The following PLEKHM3 variants were observed in gnomAD, a reference collection of about 807,000 sequenced individuals.
PLEKHM3 encodes the protein pleckstrin homology domain-containing family M member 3.
PLEKHM3 carries 45 observed loss-of-function variants against 81.8 expected under a neutral mutation model. That is an observed-to-expected ratio of 0.55 (90% CI 0.43 to 0.71). The LOEUF (loss-of-function observed/expected upper bound fraction) is 0.71. Ranked by LOEUF, PLEKHM3 falls within the 30% of genes least tolerant of loss-of-function variation. The pLI, the probability that PLEKHM3 is intolerant of heterozygous loss-of-function variation, is 0.00. For synonymous variants in PLEKHM3, 352 were observed against 356.4 expected, an observed-to-expected ratio of 0.99 and a Z score of 0.14; for missense variants, 788 against 924.3, an observed-to-expected ratio of 0.85 and a Z score of 1.91.
rs1019578834 is a variant in PLEKHM3 at position 207,825,945 on chromosome 2, G to A, written c.*2374C>T. ...GTGAAAACAAAGATGTTTTGAACGG[G>A]GATCCAGAATTTCGCCCTTGACTCT... On this transcript the variant is annotated 3_prime_UTR_variant, in exon 8 of 8. Coordinates refer to ENST00000427836, the MANE Select transcript of PLEKHM3 (RefSeq NM_001080475.3). 7 of 152,158 alleles carry A rather than the reference G, an allele frequency of 4.6e-5. No homozygotes were observed. The highest frequency in any genetic ancestry group is 1.0e-4 in the Non-Finnish European group (7 of 68,034). 9.4% of individuals were successfully genotyped at this position (152,158 alleles called of 1,614,324 possible).
At chr2:207,954,687 C>T (rs960368418) in intron 3 of PLEKHM3, among the ~76,000 whole-genome samples, 17 of 152,028 alleles carry the variant, frequency 1.1e-4, no homozygotes, top group African/African-American at 3.6e-4. Context: ...TTGGGTTTTC[C>T]CCCTCTGAAT....
intron 6 of PLEKHM3, among the ~76,000 whole-genome samples, chr2:207,894,156 A>G (rs566951621): frequency 1.3e-5 from 2 of 152,276 alleles, no homozygotes; most frequent in South Asian, 4.1e-4. Flanking sequence ...AATTCACAGC[A>G]TCATAAATCC....
At chr2:207,917,430 T>C (rs568548502) in intron 5 of PLEKHM3, among the ~76,000 whole-genome samples, 4 of 152,366 alleles carry the variant, frequency 2.6e-5, no homozygotes, top group Admixed American at 2.6e-4. Flanking sequence ...CTTATTCTTC[T>C]AAAATTCAGT....
rs6748441 is a variant in PLEKHM3 at position 207,904,233 on chromosome 2, A to G, written c.1950+4281T>C. On this transcript the variant is annotated intron_variant, in intron 6 of 7. Transcript: ENST00000427836. ...CCTTCTGTTAAAGTTATATTCAAAG[A>G]GTTTGGATTGAATATGTTTTTCTAA... Among the ~76,000 whole-genome samples, 672 of 152,252 alleles carry G rather than the reference A, an allele frequency of 4.4e-3. 4 individuals are homozygous for G. The highest frequency in any genetic ancestry group is 0.015 in the African/African-American group (631 of 41,538).
chr2:207,944,436 T>C (rs1337324718), intron 4 of PLEKHM3, among the ~76,000 whole-genome samples: 1 of 152,126 alleles, frequency 6.6e-6, no homozygotes, highest in Non-Finnish European at 1.5e-5. Context: ...ATATGACAAG[T>C]AATGTTTCTT....
At chr2:207,923,896 TA>T (rs1559238849) in intron 5 of PLEKHM3, among the ~76,000 whole-genome samples, 60 of 84,944 alleles carry the variant, frequency 7.1e-4, no homozygotes, top group Non-Finnish European at 1.3e-3. Context: ...TATATATATA[TA>T]TATATATATT....
At chr2:207,889,835 G>A (rs1176242158) in intron 6 of PLEKHM3, among the ~76,000 whole-genome samples, 1 of 151,662 alleles carries the variant, frequency 6.6e-6, no homozygotes, top group Non-Finnish European at 1.5e-5. Flanking sequence ...ACAGAGTCTC[G>A]CTCTGTCGCC....
At chr2:207,954,352 T>C (rs1690435402) in intron 3 of PLEKHM3, among the ~76,000 whole-genome samples, 1 of 152,152 alleles carries the variant, frequency 6.6e-6, no homozygotes, top group African/African-American at 2.4e-5. Context: ...CGAGACCCTG[T>C]CTCTAAAAAC....
intron 3 of PLEKHM3, among the ~76,000 whole-genome samples, chr2:207,968,217 C>T (rs1203335418): frequency 6.6e-6 from 1 of 152,030 alleles, no homozygotes; most frequent in African/African-American, 2.4e-5. Context: ...CTATAAAGTC[C>T]TGGGAGTTAC....
At chr2:207,960,152 C>T (rs531020307) in intron 3 of PLEKHM3, among the ~76,000 whole-genome samples, 1 of 152,344 alleles carries the variant, frequency 6.6e-6, no homozygotes, top group African/African-American at 2.4e-5. Flanking sequence ...TTCCTAGCTT[C>T]TCTCCCCATC....
chr2:207,850,448 C>A (rs1242191514), intron 7 of PLEKHM3, among the ~76,000 whole-genome samples: 1 of 152,214 alleles, frequency 6.6e-6, no homozygotes, highest in African/African-American at 2.4e-5. Context: ...ATGAAAAACT[C>A]ACGAAAGCCA....
At chr2:207,973,044 G>A (rs1229658778) in intron 3 of PLEKHM3, among the ~76,000 whole-genome samples, 1 of 152,154 alleles carries the variant, frequency 6.6e-6, no homozygotes, top group African/African-American at 2.4e-5. Context: ...AACTTATAAA[G>A]GGGCACACTA....
intron 1 of PLEKHM3, among the ~76,000 whole-genome samples, chr2:208,022,010 A>G (rs1693146981): frequency 6.6e-6 from 1 of 152,224 alleles, no homozygotes; most frequent in African/African-American, 2.4e-5. Context: ...TTGAACATTA[A>G]CTTTTAAAAT....
At chr2:207,978,334 G>C (rs1691394704) in intron 2 of PLEKHM3, among the ~76,000 whole-genome samples, 1 of 142,594 alleles carries the variant, frequency 7.0e-6, no homozygotes, top group Non-Finnish European at 1.5e-5. Flanking sequence ...AAAAGTAATT[G>C]CGGTTTTTAC....
chr2:207,936,239 T>C (rs1689747172), intron 4 of PLEKHM3, among the ~76,000 whole-genome samples: 1 of 152,200 alleles, frequency 6.6e-6, no homozygotes, highest in South Asian at 2.1e-4. Context: ...CCAAAAGCAC[T>C]AGGATTATAG....
intron 2 of PLEKHM3, among the ~76,000 whole-genome samples, chr2:208,000,109 T>C (rs2106088468): frequency 6.6e-6 from 1 of 152,294 alleles, no homozygotes. Context: ...GAGTACATAT[T>C]CATGTGCACA....
intron 5 of PLEKHM3, among the ~76,000 whole-genome samples, chr2:207,909,003 T>G (rs1433803798): frequency 1.3e-5 from 2 of 152,254 alleles, no homozygotes. Flanking sequence ...TGTATTTTTC[T>G]ATATCTAAAT....
intron 3 of PLEKHM3, among the ~76,000 whole-genome samples, chr2:207,959,044 G>A (rs1208265626): frequency 6.6e-6 from 1 of 152,058 alleles, no homozygotes; most frequent in Admixed American, 6.6e-5. Flanking sequence ...CTCTAGTTAA[G>A]CTTTTATATT....
intron 4 of PLEKHM3, among the ~76,000 whole-genome samples, chr2:207,945,882 T>C (rs1400600916): frequency 2.0e-5 from 3 of 148,810 alleles, no homozygotes; most frequent in Non-Finnish European, 4.4e-5. Context: ...GCCTGGGTGA[T>C]GGAGTGAGAC....
Sources: allele counts gnomAD v4.1 joint callset (sites outside exome capture counted in the v4.1 genomes callset), GRCh38; gene constraint gnomAD v4.1.1; transcripts MANE v1.5; gene names NCBI Gene and HGNC (gene_info 2026-07-23, HGNC 2026-07-21).